Variants in CDH22 observed in about 807,000 individuals in gnomAD.
CDH22 encodes cadherin-22.
In CDH22, 30 loss-of-function variants were observed where a neutral mutation model predicts 58.4. The ratio of observed to expected loss-of-function variants is 0.51; its 90% CI spans 0.38 to 0.70. The LOEUF (loss-of-function observed/expected upper bound fraction) is 0.70, where lower values mean the gene tolerates loss of function less well. Among genes scored for constraint, CDH22 ranks in the 30% least tolerant of loss-of-function variants. The probability of loss-of-function intolerance (pLI) is 0.00; values close to 1 mark genes in which losing one functional copy is unlikely to be tolerated. For synonymous variants in CDH22, 513 were observed against 558.2 expected, an observed-to-expected ratio of 0.92 and a Z score of 1.14; for missense variants, 1,014 against 1,233.9, an observed-to-expected ratio of 0.82 and a Z score of 2.67.
intron 10 of CDH22, among the ~76,000 whole-genome samples, chr20:46,186,284 C>T (rs1376528302): frequency 9.2e-5 from 14 of 151,922 alleles, no homozygotes; most frequent in Admixed American, 9.2e-4. Flanking sequence ...CTTCAGTCTC[C>T]ACTCAGAACG....
Position 46,237,312 on chromosome 20 carries a change from G to T in CDH22, c.550+3651C>A, listed in dbSNP as rs1600710922. Reference sequence around the variant, plus strand: ...CCCTGCTCAGAAGCGTGGCTCATCGGAGGCCCCCCGGCACACTTCCCTTCC... The same window carrying T: ...CCCTGCTCAGAAGCGTGGCTCATCGTAGGCCCCCCGGCACACTTCCCTTCC... On this transcript the variant is annotated intron_variant, in intron 3 of 11. Coordinates refer to ENST00000537909, the MANE Select transcript of CDH22 (RefSeq NM_021248.3). Among the ~76,000 whole-genome samples, 4 of 152,232 alleles carry T rather than the reference G, an allele frequency of 2.6e-5. No homozygotes were observed. The South Asian group carries it at 8.3e-4, about 32-fold the overall frequency.
chr20:46,261,754 T>C lies in CDH22; in HGVS notation c.-399-10061A>G, dbSNP rs551584132. Among the ~76,000 whole-genome samples, 3 of 152,232 alleles carry C rather than the reference T, an allele frequency of 2.0e-5. No individual in the cohort carries two copies. The South Asian group carries it at 6.2e-4, about 32-fold the overall frequency. On this transcript the variant is annotated intron_variant, in intron 1 of 11. Transcript: ENST00000537909. ...CCATCTTCTCCCTGGGGGAAAATTA[T>C]TTCTACCAGCTCAGTGCTCTCCTTT...
chr20:46,206,512 C>G (rs2086002994), intron 7 of CDH22, among the ~76,000 whole-genome samples: 1 of 152,284 alleles, frequency 6.6e-6, no homozygotes, highest in Non-Finnish European at 1.5e-5. Context: ...CACCTCATGT[C>G]TTCATTTCCA....
At chr20:46,238,749 A>G (rs1378029297) in intron 3 of CDH22, among the ~76,000 whole-genome samples, 2 of 152,188 alleles carry the variant, frequency 1.3e-5, no homozygotes, top group African/African-American at 4.8e-5. Flanking sequence ...CCTCTTTTCA[A>G]CACCTCCACT....
intron 2 of CDH22, among the ~76,000 whole-genome samples, chr20:46,243,150 A>T (rs6104514): frequency 0.28 from 42,786 of 152,058 alleles, 6,251 homozygotes; most frequent in African/African-American, 0.38. Flanking sequence ...ACCCCAGCCC[A>T]CTAGGCAGGA....
intron 8 of CDH22, among the ~76,000 whole-genome samples, chr20:46,194,171 C>G (rs12626139): frequency 7.2e-5 from 11 of 152,256 alleles, no homozygotes; most frequent in Admixed American, 6.5e-4. Flanking sequence ...GGTCTCTCCC[C>G]GCCCACCCGT....
At chr20:46,283,504 C>T (rs991146593) in intron 1 of CDH22, among the ~76,000 whole-genome samples, 2 of 152,140 alleles carry the variant, frequency 1.3e-5, no homozygotes, top group African/African-American at 4.8e-5. Context: ...ATATTGCTGT[C>T]ATTACCGTAG....
chr20:46,266,575 A>C (rs916840063), intron 1 of CDH22, among the ~76,000 whole-genome samples: 5 of 152,190 alleles, frequency 3.3e-5, no homozygotes, highest in Admixed American at 1.3e-4. Context: ...TTGATGATGC[A>C]CATATTCGGG....
At chr20:46,189,317 C>T (rs990974660) in intron 8 of CDH22, among the ~76,000 whole-genome samples, 3 of 152,088 alleles carry the variant, frequency 2.0e-5, no homozygotes, top group African/African-American at 7.2e-5. Flanking sequence ...TTTAAGAGTG[C>T]GTTGCCGGAG....
chr20:46,205,131 C>T (rs1419528307), intron 7 of CDH22, among the ~76,000 whole-genome samples: 1 of 152,038 alleles, frequency 6.6e-6, no homozygotes, highest in African/African-American at 2.4e-5. Flanking sequence ...ACTCTTTTCC[C>T]CCACTCCCTT....
chr20:46,188,446 G>A (rs765323313), intron 8 of CDH22, among the ~76,000 whole-genome samples: 3 of 152,156 alleles, frequency 2.0e-5, no homozygotes, highest in Non-Finnish European at 4.4e-5. Context: ...GCATGTGAGA[G>A]TTATTTATAT....
Position 46,174,743 on chromosome 20 carries a change from G to A in CDH22, c.2250C>T (p.Phe750=). 1.3e-6 allele frequency: 2 copies of A among 1,551,942 alleles called. No individual in the cohort carries two copies. The highest frequency in any genetic ancestry group is 4.7e-5 in the East Asian group (2 of 42,540). The change falls in exon 12 of 12, where the codon TTC becomes TTT. Residue 750 remains phenylalanine (F), a synonymous_variant. Coordinates refer to ENST00000537909, the MANE Select transcript of CDH22 (RefSeq NM_021248.3). The surrounding 1 kb of genome is among the most constrained non-coding windows in gnomAD (Gnocchi z 4.4). Reference sequence around the variant, plus strand: ...CCGCCAGTGCCACCTTGCGGCTGATGAAGTCCCTGAACACTGAGAAGTCTG... The same window carrying A: ...CCGCCAGTGCCACCTTGCGGCTGATAAAGTCCCTGAACACTGAGAAGTCTG... The part of the protein sequence containing the change: ...PEPDFSVFRD[F]ISRKVALADG...
intron 8 of CDH22, among the ~76,000 whole-genome samples, chr20:46,193,816 T>A (rs1032310534): frequency 6.6e-6 from 1 of 152,116 alleles, no homozygotes. Context: ...CTGAATCCCC[T>A]TTCTGCCCAT....
chr20:46,207,679 A>G (rs2086011243), intron 7 of CDH22, among the ~76,000 whole-genome samples: 9 of 152,114 alleles, frequency 5.9e-5, no homozygotes, highest in Admixed American at 5.9e-4. Context: ...GTTAGACTTC[A>G]CTTTTGTGCC....
intron 3 of CDH22, among the ~76,000 whole-genome samples, chr20:46,229,298 C>T (rs536336871): frequency 2.2e-4 from 33 of 147,532 alleles, no homozygotes; most frequent in African/African-American, 7.2e-4. Flanking sequence ...GGCCCCCCCC[C>T]CCAATTTTAC....
chr20:46,218,033 C>T (rs1216509974), intron 4 of CDH22, among the ~76,000 whole-genome samples: 2 of 152,038 alleles, frequency 1.3e-5, no homozygotes, highest in African/African-American at 2.4e-5. Flanking sequence ...AAGCAACTCT[C>T]CTGCCTCAGC....
intron 3 of CDH22, among the ~76,000 whole-genome samples, chr20:46,230,573 T>C (rs1230874153): frequency 6.6e-6 from 1 of 152,198 alleles, no homozygotes; most frequent in African/African-American, 2.4e-5. Flanking sequence ...ATGAATTATG[T>C]AACATTATTC....
intron 3 of CDH22, 66 bp from the exon 4 acceptor site, chr20:46,227,693 C>T: frequency 1.3e-6 from 2 of 1,541,496 alleles, no homozygotes; most frequent in Non-Finnish European, 1.7e-6. Context: ...CCCCACTTCG[C>T]CTCACCCCAG....
At chr20:46,265,124 G>A (rs1006043865) in intron 1 of CDH22, among the ~76,000 whole-genome samples, 6 of 152,152 alleles carry the variant, frequency 3.9e-5, no homozygotes, top group African/African-American at 9.7e-5. Context: ...GTTTTACACC[G>A]CGCCCTGTCA....
Sources: gnomAD v4.1 joint callset for allele counts (sites outside exome capture counted in the v4.1 genomes callset) on GRCh38, gnomAD v4.1.1 for gene constraint, Gnocchi (gnomAD v3.1) non-coding constraint, MANE v1.5 for transcripts, NCBI Gene and HGNC (gene_info 2026-07-23, HGNC 2026-07-21) for gene names.